Variants in VPS8 observed in about 807,000 individuals in gnomAD.
The protein encoded by VPS8 is vacuolar protein sorting-associated protein 8 homolog.
VPS8 carries 129 observed loss-of-function variants against 216.4 expected under a neutral mutation model. The observed-to-expected ratio is 0.60, with a 90% CI of 0.52 to 0.69. The LOEUF (loss-of-function observed/expected upper bound fraction) is 0.69, where lower values mean the gene tolerates loss of function less well. VPS8 is among the 30% of genes least tolerant of loss of function. The pLI, the probability that VPS8 is intolerant of heterozygous loss-of-function variation, is 0.00. For synonymous variants in VPS8, 571 were observed against 565.4 expected (o/e 1.01, Z -0.14); for missense variants, 1,531 against 1,683.5 (o/e 0.91, Z 1.59).
intron 45 of VPS8, among the ~76,000 whole-genome samples, chr3:185,023,582 T>G (rs1393372764): frequency 6.6e-6 from 1 of 152,034 alleles, no homozygotes; most frequent in Non-Finnish European, 1.5e-5. Context: ...TCACTGAACC[T>G]GGGAGGCGGA....
chr3:184,971,803 G>T, intron 40 of VPS8, 51 bp downstream of exon 40: 1 of 1,477,184 alleles, frequency 6.8e-7, no homozygotes, highest in Non-Finnish European at 9.4e-7. Context: ...GGCCAGACAT[G>T]GTGGCCCACG....
Position 184,832,756 on chromosome 3 carries a change from C to G in VPS8, c.290C>G (p.Ser97Cys). Reference sequence around the variant, plus strand: ...TTGTTAAACATTGATACTATTGATTCTCACTCCTATGATACTTCATCTGTG... The same window carrying G: ...TTGTTAAACATTGATACTATTGATTGTCACTCCTATGATACTTCATCTGTG... ...PTLLNIDTID[S>C]HSYDTSSVAS... Residue 97 changes from serine (S) to cysteine (C), a missense_variant, in exon 4 of 48, where the codon TCT becomes TGT. By Grantham distance (112) the Ser-to-Cys change is moderately radical. Coordinates refer to ENST00000625842, the MANE Select transcript of VPS8 (RefSeq NM_001009921.3). 1 of 1,609,108 alleles carries G rather than the reference C, an allele frequency of 6.2e-7. No individual in the cohort carries two copies. The highest frequency in any genetic ancestry group is 1.3e-5 in the African/African-American group (1 of 74,942).
chr3:185,005,183 TAAGTA>T (rs906120156), intron 45 of VPS8, among the ~76,000 whole-genome samples: 29 of 152,348 alleles, frequency 1.9e-4, no homozygotes, highest in African/African-American at 6.7e-4. Context: ...CAGTTAGCTG[TAAGTA>T]TTTGGCTTTA....
Position 184,832,634 on chromosome 3 carries a change from C to T in VPS8, c.223-55C>T, listed in dbSNP as rs533408088. 10 of 1,503,694 alleles carry T rather than the reference C, an allele frequency of 6.7e-6. No individual in the cohort carries two copies. In the East Asian group the frequency reaches 1.8e-4, roughly 28 times the overall value. 93.1% of individuals were successfully genotyped at this position (1,503,694 alleles called of 1,614,324 possible). A position where few individuals can be genotyped will look rare whatever the true frequency, so the allele number is the denominator to read the frequency against. On this transcript the variant is annotated intron_variant, in intron 3 of 47. Transcript: ENST00000625842. ...TGGAGAAACCCATTAATGCCTGACTCATTTCATAGAGTATTTGGATTTTGA... is the reference window on the plus strand; with the variant it reads ...TGGAGAAACCCATTAATGCCTGACTTATTTCATAGAGTATTTGGATTTTGA...
chr3:185,028,357 C>T (rs1014495161), intron 46 of VPS8, among the ~76,000 whole-genome samples: 10 of 152,082 alleles, frequency 6.6e-5, no homozygotes, highest in African/African-American at 2.4e-4. Flanking sequence ...GAAATGGTAA[C>T]CTAGGCAGAT....
intron 36 of VPS8, among the ~76,000 whole-genome samples, chr3:184,953,742 T>C (rs1745115896): frequency 6.6e-6 from 1 of 152,194 alleles, no homozygotes; most frequent in Non-Finnish European, 1.5e-5. Context: ...TTCTTTGTTA[T>C]CAGGTTGCTC....
At chr3:184,850,858 C>G (rs909628216) in intron 10 of VPS8, among the ~76,000 whole-genome samples, 3 of 152,182 alleles carry the variant, frequency 2.0e-5, no homozygotes, top group Non-Finnish European at 4.4e-5. Context: ...AAAAAGTCTT[C>G]TGTGACAGAG....
At chr3:184,824,467 T>C in intron 1 of VPS8, 78 bp from the exon 2 acceptor site, 1 of 720,632 alleles carries the variant, frequency 1.4e-6, no homozygotes, top group Non-Finnish European at 2.2e-6. Flanking sequence ...AGTAAGTCTT[T>C]GGAATGTCCA....
intron 16 of VPS8, among the ~76,000 whole-genome samples, chr3:184,864,285 G>A (rs183600641): frequency 2.0e-5 from 3 of 152,322 alleles, no homozygotes; most frequent in Admixed American, 2.0e-4. Context: ...CTAGCTTCCA[G>A]CCTTGAGAGA....
At chr3:184,918,388 C>G (rs1025889268) in intron 28 of VPS8, among the ~76,000 whole-genome samples, 4 of 152,230 alleles carry the variant, frequency 2.6e-5, no homozygotes, top group Non-Finnish European at 5.9e-5. Context: ...CTTTGTACTT[C>G]AGAAACTGTA....
chr3:184,948,467 T>G (rs775898602), intron 36 of VPS8, among the ~76,000 whole-genome samples: 8 of 152,044 alleles, frequency 5.3e-5, no homozygotes, highest in Admixed American at 2.6e-4. Context: ...CAGTGAGCTG[T>G]GATTGTGCCA....
Position 184,886,134 on chromosome 3 carries a change from T to A in VPS8, c.1759T>A (p.Tyr587Asn). 4 of 1,609,742 alleles carry A rather than the reference T, an allele frequency of 2.5e-6. No individual in the cohort carries two copies. The highest frequency in any genetic ancestry group is 3.4e-6 in the Non-Finnish European group (4 of 1,177,978). ...GGATATGGTGCCTGTCATAGTTGAT[T>A]ACTGCCTTCTGCTGCAGCGAAAGTG... is the stretch of plus-strand genomic sequence containing the variant. ...FQDMVPVIVD[Y>N]CLLLQRKDLL... The change falls in exon 22 of 48, where the codon TAC (tyrosine) becomes AAC (asparagine). Residue 587 changes from tyrosine (Y) to asparagine (N), a missense_variant. This residue lies in a region of VPS8 where 1,318 missense variants were observed against 1,468.4 expected (regional missense o/e 0.90). Coordinates refer to ENST00000625842, the MANE Select transcript of VPS8 (RefSeq NM_001009921.3).
At chr3:184,886,557 A>G (rs891598860) in intron 22 of VPS8, among the ~76,000 whole-genome samples, 59 of 151,374 alleles carry the variant, frequency 3.9e-4, no homozygotes, top group African/African-American at 1.4e-3. Context: ...ACACACACAC[A>G]CACATTCTTC....
At chr3:184,821,388 G>T (rs12633027) in intron 1 of VPS8, among the ~76,000 whole-genome samples, 2 of 151,858 alleles carry the variant, frequency 1.3e-5, no homozygotes, top group South Asian at 4.1e-4. Flanking sequence ...CTGTTGCCCA[G>T]GCTGGAGTGC....
chr3:185,008,847 A>G (rs545423813), intron 45 of VPS8, among the ~76,000 whole-genome samples: 1 of 152,260 alleles, frequency 6.6e-6, no homozygotes, highest in African/African-American at 2.4e-5. Flanking sequence ...ACCCTGGTAA[A>G]CAGGTAAACA....
chr3:184,950,275 A>G (rs1272929877), intron 36 of VPS8, among the ~76,000 whole-genome samples: 1 of 93,792 alleles, frequency 1.1e-5, no homozygotes, highest in African/African-American at 4.2e-5. Flanking sequence ...ATGTATTTGC[A>G]TTCTCAGTCT....
chr3:184,886,499 A>G (rs1211121772), intron 22 of VPS8, among the ~76,000 whole-genome samples: 1 of 146,786 alleles, frequency 6.8e-6, no homozygotes, highest in Non-Finnish European at 1.5e-5. Context: ...ATACACACAC[A>G]TATATATATA....
intron 34 of VPS8, among the ~76,000 whole-genome samples, chr3:184,931,021 G>T (rs1313595442): frequency 6.6e-6 from 1 of 152,130 alleles, no homozygotes; most frequent in Non-Finnish European, 1.5e-5. Flanking sequence ...TTTTGTTGAT[G>T]CCTGCTATTT....
chr3:184,988,765 A>G (rs74655806), intron 42 of VPS8, among the ~76,000 whole-genome samples: 1 of 152,192 alleles, frequency 6.6e-6, no homozygotes. Flanking sequence ...AACAATATCA[A>G]ATCTTTCTGT....
Sources: allele counts gnomAD v4.1 joint callset (sites outside exome capture counted in the v4.1 genomes callset), GRCh38; gene constraint gnomAD v4.1.1; regional missense constraint gnomAD v4.1.1; transcripts MANE v1.5; gene names NCBI Gene and HGNC (gene_info 2026-07-23, HGNC 2026-07-21).